The following HOATZ variants were observed in gnomAD, a reference collection of about 807,000 sequenced individuals.
The protein encoded by HOATZ is HOATZ cilia and flagella associated protein.
HOATZ carries 26 observed loss-of-function variants against 24.9 expected under a neutral mutation model. The observed-to-expected ratio is 1.04, with a 90% CI of 0.76 to 1.45. The LOEUF is 1.45. Ranked by LOEUF, HOATZ falls within the 40% of genes most tolerant of loss-of-function variation. HOATZ has a pLI of 0.00. For synonymous variants in HOATZ, 83 were observed against 76.6 expected (o/e 1.08, Z -0.43); for missense variants, 226 against 201.5 (o/e 1.12, Z -0.74).
chr11:111,531,863 T>C (rs1867396863), intron 3 of HOATZ, among the ~76,000 whole-genome samples: 1 of 152,202 alleles, frequency 6.6e-6, no homozygotes, highest in Non-Finnish European at 1.5e-5. Flanking sequence ...TGTGTCTTGA[T>C]GAATCATGCC....
chr11:111,524,054 C>T (rs1182695159), intron 3 of HOATZ, among the ~76,000 whole-genome samples: 1 of 152,196 alleles, frequency 6.6e-6, no homozygotes, highest in African/African-American at 2.4e-5. Context: ...GATCTCCTGA[C>T]ATACCAAATA....
intron 3 of HOATZ, among the ~76,000 whole-genome samples, chr11:111,529,725 C>T (rs1027393268): frequency 1.3e-5 from 2 of 152,088 alleles, no homozygotes; most frequent in East Asian, 3.8e-4. Context: ...GAAAGAAATG[C>T]AGTTTGTATA....
chr11:111,532,801 C>T (rs1228608782), intron 3 of HOATZ, among the ~76,000 whole-genome samples: 1 of 152,180 alleles, frequency 6.6e-6, no homozygotes, highest in Non-Finnish European at 1.5e-5. Context: ...CTTCTTATTT[C>T]TTTCTTGCAG....
chr11:111,515,083 TC>T lies in HOATZ; in HGVS notation c.226+75del, dbSNP rs985151564. 12 of 1,061,998 alleles carry T rather than the reference TC, an allele frequency of 1.1e-5. No individual in the cohort carries two copies. The Admixed American group carries it at 2.2e-4, about 19-fold the overall frequency. 65.8% of individuals were successfully genotyped at this position (1,061,998 alleles called of 1,614,324 possible). ...CTGGCCTGCAGGTACCAGAGCCCTT[TC>T]CAGGAGAAACTGCAATGGTATATAC... is the stretch of plus-strand genomic sequence containing the variant. On this transcript the variant is annotated intron_variant, in intron 1 of 5. Coordinates refer to ENST00000375618, the MANE Select transcript of HOATZ (RefSeq NM_001100388.2).
intron 3 of HOATZ, among the ~76,000 whole-genome samples, chr11:111,531,115 C>A (rs7107378): frequency 0.3 from 45,692 of 152,062 alleles, 7,223 homozygotes; most frequent in Middle Eastern, 0.39. Context: ...AAGCACAGGA[C>A]AATATAACTG....
chr11:111,524,808 T>G (rs1867315306), intron 3 of HOATZ: 1 of 412,194 alleles, frequency 2.4e-6, no homozygotes, highest in African/African-American at 2.1e-5. Flanking sequence ...GTTGATTTTA[T>G]TGTTGATATA....
At chr11:111,523,326 G>A (rs1867293355) in intron 3 of HOATZ, among the ~76,000 whole-genome samples, 1 of 149,598 alleles carries the variant, frequency 6.7e-6, no homozygotes, top group Admixed American at 6.8e-5. Flanking sequence ...TATTAGATAA[G>A]CTTTATTCAG....
intron 3 of HOATZ, among the ~76,000 whole-genome samples, chr11:111,519,693 C>T (rs547584121): frequency 1.4e-3 from 213 of 152,234 alleles, no homozygotes; most frequent in African/African-American, 5.0e-3. Flanking sequence ...GAAGCATTTA[C>T]AATGATCTAT....
chr11:111,526,016 G>A (rs760260231), intron 3 of HOATZ, among the ~76,000 whole-genome samples: 1 of 152,178 alleles, frequency 6.6e-6, no homozygotes, highest in Non-Finnish European at 1.5e-5. Flanking sequence ...AGGGAATCAG[G>A]GAGGATTTCT....
intron 5 of HOATZ, 188 bp from the exon 6 acceptor site, chr11:111,536,582 A>G (rs1867452785): frequency 3.9e-6 from 2 of 507,770 alleles, no homozygotes; most frequent in Non-Finnish European, 7.1e-6. Flanking sequence ...GTACCTCCAA[A>G]CCACACTTCA....
chr11:111,526,093 G>A (rs919726945), intron 3 of HOATZ, among the ~76,000 whole-genome samples: 6 of 152,156 alleles, frequency 3.9e-5, no homozygotes, highest in African/African-American at 1.4e-4. Flanking sequence ...GGAGGTGGTG[G>A]AGGGAACATT....
intron 3 of HOATZ, among the ~76,000 whole-genome samples, chr11:111,523,013 A>C (rs1461380506): frequency 6.6e-6 from 1 of 152,152 alleles, no homozygotes. Context: ...TGAGCCTGGG[A>C]GGCGGAGGTT....
At chr11:111,520,205 A>T (rs907156742) in intron 3 of HOATZ, among the ~76,000 whole-genome samples, 1 of 152,218 alleles carries the variant, frequency 6.6e-6, no homozygotes, top group African/African-American at 2.4e-5. Context: ...AATTCTTTGA[A>T]ATCATAAAAC....
At chr11:111,530,230 C>T (rs1251699169) in intron 3 of HOATZ, among the ~76,000 whole-genome samples, 1 of 152,168 alleles carries the variant, frequency 6.6e-6, no homozygotes, top group Non-Finnish European at 1.5e-5. Context: ...CCTAAGATCA[C>T]GAAGCTCTAA....
At position 111,514,934 on chromosome 11, in the gene HOATZ, C is replaced by G. The variant is rs918669209; in HGVS notation, c.150C>G (p.Ser50Arg). Residue 50 changes from serine (S) to arginine (R), a missense_variant, in exon 1 of 6, where the codon AGC becomes AGG. By Grantham distance (110) the Ser-to-Arg change is moderately radical. Transcript: ENST00000375618. Reference sequence around the variant, plus strand: ...TCTCGGCGTCGATGTATCCCCCTAGCGAATCTCAGCTGGTGCTGCGCAGAG... The same window carrying G: ...TCTCGGCGTCGATGTATCCCCCTAGGGAATCTCAGCTGGTGCTGCGCAGAG... ...FWISASMYPP[S>R]ESQLVLRRDS... The G allele has an allele frequency of 6.2e-7, 1 of 1,613,972 alleles. No individual in the cohort carries two copies. The highest frequency in any genetic ancestry group is 8.5e-7 in the Non-Finnish European group (1 of 1,180,014).
chr11:111,535,032 G>A (rs900522880), intron 5 of HOATZ: 3 of 152,088 alleles, frequency 2.0e-5, no homozygotes, highest in Admixed American at 6.6e-5. Flanking sequence ...AAATCTGTCC[G>A]TTTTTGTATT....
intron 1 of HOATZ, 57 bp from the exon 2 acceptor site, chr11:111,515,454 C>A: frequency 3.5e-6 from 5 of 1,419,346 alleles, no homozygotes; most frequent in South Asian, 3.4e-5. Context: ...AATTCAAACG[C>A]CTTTAATGTT....
intron 3 of HOATZ, among the ~76,000 whole-genome samples, chr11:111,531,751 A>T (rs533050901): frequency 5.9e-5 from 9 of 152,342 alleles, no homozygotes; most frequent in African/African-American, 2.2e-4. Flanking sequence ...GGCTTATAAA[A>T]GGCAAGATTC....
chr11:111,527,962 G>A (rs948717959), intron 3 of HOATZ, among the ~76,000 whole-genome samples: 1 of 152,304 alleles, frequency 6.6e-6, no homozygotes, highest in African/African-American at 2.4e-5. Flanking sequence ...GATTCTTGCA[G>A]AATGTGAACT....
Sources: gnomAD v4.1 joint callset for allele counts (sites outside exome capture counted in the v4.1 genomes callset) on GRCh38, gnomAD v4.1.1 for gene constraint, MANE v1.5 for transcripts, NCBI Gene and HGNC (gene_info 2026-07-23, HGNC 2026-07-21) for gene names.